Variants in PTPRB observed in about 807,000 individuals in gnomAD.
The protein encoded by PTPRB is protein tyrosine phosphatase receptor type B, also known as receptor-type tyrosine-protein phosphatase beta.
A neutral mutation model predicts 238.1 loss-of-function variants in PTPRB; 97 were observed. That is an observed-to-expected ratio of 0.41 (90% CI 0.35 to 0.48). The LOEUF (loss-of-function observed/expected upper bound fraction) is 0.48, where lower values mean the gene tolerates loss of function less well. Ranked by LOEUF, PTPRB falls within the 20% of genes least tolerant of loss-of-function variation. The pLI is 0.30. For synonymous variants in PTPRB, 970 were observed against 995.4 expected (o/e 0.97, Z 0.48); for missense variants, 2,292 against 2,681.9 (o/e 0.85, Z 3.21).
At chr12:70,535,012 C>A in intron 29 of PTPRB, 57 bp from the exon 30 acceptor site, 1 of 1,561,864 alleles carries the variant, frequency 6.4e-7, no homozygotes. Context: ...CTTGGTGAAC[C>A]TGGGGTTTCC....
At chr12:70,523,957 C>T (rs531392324) in intron 33 of PTPRB, among the ~76,000 whole-genome samples, 3 of 151,656 alleles carry the variant, frequency 2.0e-5, no homozygotes, top group South Asian at 4.2e-4. Context: ...GGATTACAGG[C>T]GTGAGCCACC....
At chr12:70,615,059 A>G (rs571215605) in intron 3 of PTPRB, among the ~76,000 whole-genome samples, 11 of 152,314 alleles carry the variant, frequency 7.2e-5, no homozygotes, top group African/African-American at 2.6e-4. Context: ...GTTGCATGTC[A>G]TATGTATAGT....
At position 70,576,459 on chromosome 12, in the gene PTPRB, G is replaced by A; in HGVS notation, c.2765C>T (p.Pro922Leu). 1 of 1,601,846 alleles carries A rather than the reference G, an allele frequency of 6.2e-7. No individual in the cohort carries two copies. The highest frequency in any genetic ancestry group is 8.5e-7 in the Non-Finnish European group (1 of 1,173,784). The change falls in exon 11 of 34, where the codon CCA (proline) becomes CTA (leucine). Residue 922 changes from proline to leucine, a missense_variant. Physicochemically the swap from Pro to Leu is moderately conservative, Grantham distance 98. Around this residue, in one of 4 missense-constraint regions of PTPRB, gnomAD observed 1,205 missense variants for 1,287.8 expected, o/e 0.94. Transcript: ENST00000334414. The part of the protein sequence containing the change: ...VRECSFSSLT[P>L]GRLYTVTITT... ...TATGGTCACGGTGTAGAGGCGGCCTGGGGTGAGGGAGCTGAAGGAACATTC... is the reference window on the plus strand; with the variant it reads ...TATGGTCACGGTGTAGAGGCGGCCTAGGGTGAGGGAGCTGAAGGAACATTC...
chr12:70,544,648 A>G lies in PTPRB; in HGVS notation c.5403T>C (p.Ala1801=). ...GGTCCTCATCAAAGAGCTGTGTAAA[A>G]GCTCGAATGCTGATTCTGAAAAGAA... is the stretch of plus-strand genomic sequence containing the variant. The part of the protein sequence containing the change: ...PHTAYRISIR[A]FTQLFDEDLK... Residue 1801 remains alanine, a synonymous_variant, in exon 22 of 34, where the codon GCT becomes GCC. Transcript: ENST00000334414. 1.3e-6 allele frequency: 2 copies of G among 1,584,400 alleles called. No individual in the cohort carries two copies. Among genetic ancestry groups the G allele is most frequent in the Non-Finnish European group, 1.7e-6 (2 of 1,170,394 alleles).
Position 70,534,735 on chromosome 12 carries a change from A to G in PTPRB, c.6205-84T>C, listed in dbSNP as rs1160753608. On this transcript the variant is annotated intron_variant, in intron 30 of 33. Coordinates refer to ENST00000334414, the MANE Select transcript of PTPRB (RefSeq NM_001109754.4). ...ACAGCTGAGCCATGGAGCAACTCCT[A>G]TGGGCTGAAACTACAAGAGAGGAAC... 3.8e-6 allele frequency: 6 copies of G among 1,598,602 alleles called. No individual in the cohort carries two copies. The East Asian group carries it at 9.0e-5, about 24-fold the overall frequency.
chr12:70,603,276 A>C (rs919430766), intron 4 of PTPRB, among the ~76,000 whole-genome samples: 4 of 152,188 alleles, frequency 2.6e-5, no homozygotes, highest in African/African-American at 9.7e-5. Flanking sequence ...CAAAATACTG[A>C]AGTCATCACC....
At position 70,581,219 on chromosome 12, in the gene PTPRB, C is replaced by T; in HGVS notation, c.2395G>A (p.Asp799Asn). 1 of 1,613,982 alleles carries T rather than the reference C, an allele frequency of 6.2e-7. No individual in the cohort carries two copies. The highest frequency in any genetic ancestry group is 8.5e-7 in the Non-Finnish European group (1 of 1,179,886). Residue 799 changes from aspartate (D) to asparagine (N), a missense_variant, in exon 10 of 34, where the codon GAC becomes AAC. This residue lies in a region of PTPRB where 1,205 missense variants were observed against 1,287.8 expected (regional missense o/e 0.94). Transcript: ENST00000334414. Reference protein sequence around the residue: ...LFTNWTQAQGDVEFYQVLLIH... With the variant: ...LFTNWTQAQGNVEFYQVLLIH... ...AGTAAGACTTGGTAAAATTCTACGT[C>T]TCCTTGTGCCTGGGTCCAGTTAGTA...
Position 70,571,964 on chromosome 12 carries a change from T to C in PTPRB, c.2966A>G (p.Asn989Ser). ...HYEVTIKNKN[N>S]FIQTKSIPKS... ...GGGAATGCTTTTAGTTTGAATGAAG[T>C]TGTTTTTGTTTTTAATGGTGACTTC... The change falls in exon 12 of 34, where the codon AAC (asparagine) becomes AGC (serine). Residue 989 changes from asparagine to serine, a missense_variant. Asn to Ser is a conservative substitution (Grantham distance 46). Transcript: ENST00000334414. The C allele has an allele frequency of 6.2e-7, 1 of 1,614,006 alleles. No individual in the cohort carries two copies.
intron 2 of PTPRB, among the ~76,000 whole-genome samples, chr12:70,627,317 G>A (rs779680987): frequency 2.6e-5 from 4 of 152,124 alleles, no homozygotes; most frequent in Admixed American, 6.6e-5. Context: ...AGCTGGAAAG[G>A]GGGTGAATAA....
At chr12:70,607,182 T>G (rs760579523) in intron 4 of PTPRB, among the ~76,000 whole-genome samples, 1 of 152,224 alleles carries the variant, frequency 6.6e-6, no homozygotes, top group Non-Finnish European at 1.5e-5. Flanking sequence ...TCCATTACTG[T>G]TTTTCCAAAA....
chr12:70,576,030 C>T (rs972510962), intron 11 of PTPRB, among the ~76,000 whole-genome samples: 2 of 152,080 alleles, frequency 1.3e-5, no homozygotes, highest in Non-Finnish European at 2.9e-5. Flanking sequence ...TACTTGACCT[C>T]CCTGAACCTT....
Position 70,635,688 on chromosome 12 carries a change from C to T in PTPRB, c.434G>A (p.Ser145Asn). Residue 145 changes from serine to asparagine, a missense_variant, in exon 2 of 34, where the codon AGC (serine) becomes AAC (asparagine). Transcript: ENST00000334414. The part of the protein sequence containing the change: ...VNKEGKLVNE[S>N]LCLQKAGLGA... ...TAGCTCACCTTTTTGTAAACAGAGGCTTTCATTGACCAGTTTTCCCTCCTT... is the reference window on the plus strand; with the variant it reads ...TAGCTCACCTTTTTGTAAACAGAGGTTTTCATTGACCAGTTTTCCCTCCTT... 1 of 1,613,636 alleles carries T rather than the reference C, an allele frequency of 6.2e-7. No homozygotes were observed. The highest frequency in any genetic ancestry group is 1.1e-5 in the South Asian group (1 of 91,074).
At chr12:70,562,278 C>T (rs558922483) in intron 16 of PTPRB, among the ~76,000 whole-genome samples, 6 of 151,466 alleles carry the variant, frequency 4.0e-5, no homozygotes, top group South Asian at 2.1e-4. Context: ...AGTGAGAACT[C>T]GTCCCCCCCC....
At position 70,518,906 on chromosome 12, in the gene PTPRB, C is replaced by T. The variant is rs1424062538; in HGVS notation, c.*2583G>A. ...TACACAGACAGGATGCCCACCAAGA[C>T]AGGAAATGGAGTGTTTACCAAGACA... On this transcript the variant is annotated 3_prime_UTR_variant, in exon 34 of 34. Transcript: ENST00000334414. 1.3e-5 allele frequency: 2 copies of T among 151,998 alleles called. No homozygotes were observed. The highest frequency in any genetic ancestry group is 3.9e-4 in the East Asian group (2 of 5,164). 9.4% of individuals were successfully genotyped at this position (151,998 alleles called of 1,614,324 possible).
chr12:70,608,791 C>T, intron 4 of PTPRB: 1 of 407,352 alleles, frequency 2.5e-6, no homozygotes, highest in Admixed American at 4.1e-5. Context: ...AAAATTCCCA[C>T]CGCAGCCCAA....
At chr12:70,574,266 C>T (rs1880444409) in intron 11 of PTPRB, among the ~76,000 whole-genome samples, 1 of 152,216 alleles carries the variant, frequency 6.6e-6, no homozygotes, top group South Asian at 2.1e-4. Context: ...GCTCCATTTT[C>T]TCACACCTGC....
intron 2 of PTPRB, among the ~76,000 whole-genome samples, chr12:70,635,297 G>A (rs746224517): frequency 1.8e-4 from 28 of 152,158 alleles, no homozygotes; most frequent in African/African-American, 2.7e-4. Flanking sequence ...ATAATTTTCC[G>A]ATTACTGACT....
chr12:70,558,386 AAAC>A (rs1158206841), intron 18 of PTPRB, among the ~76,000 whole-genome samples: 1 of 152,360 alleles, frequency 6.6e-6, no homozygotes, highest in Non-Finnish European at 1.5e-5. Context: ...TAAAAAAATA[AAAC>A]AACTACTTGC....
At chr12:70,542,985 A>G (rs1215067284) in intron 22 of PTPRB, 4 of 151,772 alleles carry the variant, frequency 2.6e-5, no homozygotes, top group African/African-American at 9.7e-5. Context: ...AGAGTTCTTT[A>G]TATGCTATTC....
Sources: allele counts gnomAD v4.1 joint callset (sites outside exome capture counted in the v4.1 genomes callset), GRCh38; gene constraint gnomAD v4.1.1; regional missense constraint gnomAD v4.1.1; transcripts MANE v1.5; gene names NCBI Gene and HGNC (gene_info 2026-07-23, HGNC 2026-07-21).